CCSER1: variants seen among roughly 807,000 people sequenced by gnomAD.
The protein encoded by CCSER1 is coiled-coil serine rich protein 1, also known as serine-rich coiled-coil domain-containing protein 1.
CCSER1 carries 41 observed loss-of-function variants against 82.0 expected under a neutral mutation model. The ratio of observed to expected loss-of-function variants is 0.50; its 90% CI spans 0.39 to 0.65. The LOEUF (loss-of-function observed/expected upper bound fraction) is 0.65. Ranked by LOEUF, CCSER1 falls within the 30% of genes least tolerant of loss-of-function variation. The probability of loss-of-function intolerance (pLI) is 0.00; values close to 1 mark genes in which losing one functional copy is unlikely to be tolerated. For synonymous variants in CCSER1, 414 were observed against 383.9 expected (o/e 1.08, Z -0.92); for missense variants, 1,119 against 1,064.2 (o/e 1.05, Z -0.72).
chr4:91,123,671 T>G (rs2148895455), intron 10 of CCSER1, among the ~76,000 whole-genome samples: 1 of 151,916 alleles, frequency 6.6e-6, no homozygotes, highest in East Asian at 1.9e-4. Flanking sequence ...GAATAGAGAC[T>G]TTCTTTTAGA....
At position 91,593,467 on chromosome 4, in the gene CCSER1, CTTTT is replaced by C. The variant is rs753973015; in HGVS notation, c.2218-5082_2218-5079del. ...TAACTGTCTTGTTTTCAACCCCGTG[CTTTT>C]TTTTTTTTTTTTTTTTTTTTTTAGT... On this transcript the variant is annotated intron_variant, in intron 10 of 10. Transcript: ENST00000509176. 7.3e-4 allele frequency among the ~76,000 whole-genome samples: 40 copies of C among 55,040 alleles called. 1 individual carries two copies. The highest frequency in any genetic ancestry group is 1.4e-3 in the South Asian group (2 of 1,424). The allele number at this position is 55,040 out of a possible 152,430, so 36.1% of individuals were successfully genotyped here.
intron 7 of CCSER1, among the ~76,000 whole-genome samples, chr4:90,793,698 C>T (rs1411058443): frequency 4.6e-5 from 7 of 152,278 alleles, no homozygotes; most frequent in South Asian, 2.1e-4. Context: ...AATGGGATTG[C>T]TGTGACAAAT....
At chr4:91,437,527 G>A (rs138177563) in intron 10 of CCSER1, among the ~76,000 whole-genome samples, 2,072 of 152,262 alleles carry the variant, frequency 0.014, 46 homozygotes, top group African/African-American at 0.046. Context: ...GAACAGCTCC[G>A]GTCTACAGCT....
intron 10 of CCSER1, among the ~76,000 whole-genome samples, chr4:91,104,131 G>C (rs895203718): frequency 6.6e-6 from 1 of 152,072 alleles, no homozygotes. Flanking sequence ...TGGTCAGATC[G>C]GTTCTCTGCA....
At chr4:90,513,938 A>G (rs1771899574) in intron 5 of CCSER1, among the ~76,000 whole-genome samples, 1 of 152,126 alleles carries the variant, frequency 6.6e-6, no homozygotes, top group Non-Finnish European at 1.5e-5. Flanking sequence ...GCCTGAAGAA[A>G]ATCTATGCTG....
At chr4:90,209,083 A>G (rs1739463076) in intron 1 of CCSER1, among the ~76,000 whole-genome samples, 1 of 152,190 alleles carries the variant, frequency 6.6e-6, no homozygotes, top group African/African-American at 2.4e-5. Flanking sequence ...TTACCCTTCC[A>G]GAAGATGCTC....
chr4:90,524,533 A>G (rs1773510952), intron 5 of CCSER1, among the ~76,000 whole-genome samples: 1 of 151,946 alleles, frequency 6.6e-6, no homozygotes, highest in Non-Finnish European at 1.5e-5. Flanking sequence ...CAGTGGTGTG[A>G]TCTTGGCTCA....
chr4:91,498,639 CTTT>C (rs1462320222), intron 10 of CCSER1, among the ~76,000 whole-genome samples: 4 of 151,310 alleles, frequency 2.6e-5, no homozygotes, highest in Admixed American at 1.3e-4. Flanking sequence ...TTTTATTTCT[CTTT>C]TTTATTTTGT....
intron 6 of CCSER1, among the ~76,000 whole-genome samples, chr4:90,632,071 G>A (rs1161467871): frequency 6.6e-6 from 1 of 152,056 alleles, no homozygotes; most frequent in African/African-American, 2.4e-5. Context: ...TATCTATATA[G>A]TCCATATTAC....
At chr4:90,606,611 C>G (rs1579431072) in intron 5 of CCSER1, among the ~76,000 whole-genome samples, 1 of 152,256 alleles carries the variant, frequency 6.6e-6, no homozygotes, top group South Asian at 2.1e-4. Context: ...TAAATATGTA[C>G]TGTGAAAAAT....
chr4:91,027,366 G>GT (rs67758362), intron 9 of CCSER1, among the ~76,000 whole-genome samples: 51,062 of 150,540 alleles, frequency 0.34, 10,385 homozygotes, highest in East Asian at 0.58. Flanking sequence ...AGTTAATTGG[G>GT]TTTTTTTTTA....
At chr4:90,373,210 A>G (rs1747741843) in intron 3 of CCSER1, among the ~76,000 whole-genome samples, 1 of 152,164 alleles carries the variant, frequency 6.6e-6, no homozygotes, top group African/African-American at 2.4e-5. Flanking sequence ...TAATGAAGTG[A>G]CGAGACATAT....
intron 10 of CCSER1, among the ~76,000 whole-genome samples, chr4:91,308,372 A>G (rs1348965621): frequency 6.6e-6 from 1 of 152,020 alleles, no homozygotes. Context: ...ACTTTGAAGG[A>G]AATGTTCCAT....
At chr4:90,217,672 T>C (rs528700666) in intron 1 of CCSER1, among the ~76,000 whole-genome samples, 1 of 152,336 alleles carries the variant, frequency 6.6e-6, no homozygotes, top group African/African-American at 2.4e-5. Flanking sequence ...TGTCTTGTTC[T>C]GGTTCTCAAG....
chr4:91,528,948 A>G (rs1463046121), intron 10 of CCSER1, among the ~76,000 whole-genome samples: 1 of 152,168 alleles, frequency 6.6e-6, no homozygotes, highest in Admixed American at 6.5e-5. Flanking sequence ...TTAATCGATC[A>G]TAATAGGAGA....
At chr4:90,423,961 G>A (rs959360020) in intron 4 of CCSER1, among the ~76,000 whole-genome samples, 6 of 150,746 alleles carry the variant, frequency 4.0e-5, no homozygotes, top group South Asian at 2.1e-4. Flanking sequence ...CACAGTGGCG[G>A]GCGCCTGTAG....
intron 9 of CCSER1, among the ~76,000 whole-genome samples, chr4:91,059,455 T>TTA (rs56706370): frequency 0.1 from 15,094 of 145,698 alleles, 819 homozygotes; most frequent in Admixed American, 0.17. Flanking sequence ...TTTATTAAGG[T>TTA]TATATATATA....
intron 10 of CCSER1, among the ~76,000 whole-genome samples, chr4:91,335,574 T>C (rs558148922): frequency 4.6e-5 from 7 of 152,136 alleles, no homozygotes; most frequent in Non-Finnish European, 1.0e-4. Context: ...CAGAGGAAAT[T>C]CTTTCCCTTT....
At chr4:91,133,028 A>G (rs1434948920) in intron 10 of CCSER1, among the ~76,000 whole-genome samples, 1 of 152,220 alleles carries the variant, frequency 6.6e-6, no homozygotes, top group Admixed American at 6.5e-5. Flanking sequence ...ATTCATTAGC[A>G]TAGGGAAGCT....
Sources: allele counts gnomAD v4.1 joint callset (sites outside exome capture counted in the v4.1 genomes callset), GRCh38; gene constraint gnomAD v4.1.1; transcripts MANE v1.5; gene names NCBI Gene and HGNC (gene_info 2026-07-23, HGNC 2026-07-21).